Variants in RAP1GDS1 observed in about 807,000 individuals in gnomAD.
RAP1GDS1 encodes RAP1, GTP-GDP dissociation stimulator 1.
RAP1GDS1 carries 35 observed loss-of-function variants against 71.1 expected under a neutral mutation model. That is an observed-to-expected ratio of 0.49 (90% CI 0.38 to 0.65). The LOEUF (loss-of-function observed/expected upper bound fraction) is 0.65, where lower values mean the gene tolerates loss of function less well. Among genes scored for constraint, RAP1GDS1 ranks in the 30% least tolerant of loss-of-function variants. The probability of loss-of-function intolerance (pLI) is 0.00; values close to 1 mark genes in which losing one functional copy is unlikely to be tolerated. For synonymous variants in RAP1GDS1, 229 were observed against 243.1 expected (o/e 0.94, Z 0.54); for missense variants, 663 against 706.1 (o/e 0.94, Z 0.69).
At chr4:98,389,654 G>A (rs1393629254) in intron 5 of RAP1GDS1, among the ~76,000 whole-genome samples, 1 of 152,034 alleles carries the variant, frequency 6.6e-6, no homozygotes, top group African/African-American at 2.4e-5. Context: ...CTCCCAATCT[G>A]CCATAATTTC....
At chr4:98,405,455 G>A (rs1431019495) in intron 7 of RAP1GDS1, among the ~76,000 whole-genome samples, 1 of 152,000 alleles carries the variant, frequency 6.6e-6, no homozygotes, top group Non-Finnish European at 1.5e-5. Flanking sequence ...ACATAAAAGA[G>A]AATAAGAGGT....
intron 1 of RAP1GDS1, among the ~76,000 whole-genome samples, chr4:98,271,628 A>T (rs60914360): frequency 0.024 from 3,700 of 152,246 alleles, 147 homozygotes; most frequent in African/African-American, 0.081. Context: ...TCATTTATGT[A>T]TATATAATTA....
intron 2 of RAP1GDS1, among the ~76,000 whole-genome samples, chr4:98,335,567 C>T: frequency 6.6e-6 from 1 of 151,566 alleles, no homozygotes; most frequent in East Asian, 1.9e-4. Flanking sequence ...TTTTATTTTA[C>T]AAGTTTGAAT....
chr4:98,438,410 A>C (rs928894847), intron 14 of RAP1GDS1, among the ~76,000 whole-genome samples: 1 of 151,390 alleles, frequency 6.6e-6, no homozygotes, highest in Non-Finnish European at 1.5e-5. Context: ...AATCTACTCT[A>C]CCAGTCCCTT....
chr4:98,368,666 A>T (rs997405078), intron 4 of RAP1GDS1, among the ~76,000 whole-genome samples: 1 of 152,144 alleles, frequency 6.6e-6, no homozygotes, highest in Non-Finnish European at 1.5e-5. Flanking sequence ...AACTTTTTTC[A>T]TCATTTTATG....
intron 2 of RAP1GDS1, among the ~76,000 whole-genome samples, chr4:98,301,463 C>T (rs1416746791): frequency 6.6e-6 from 1 of 152,186 alleles, no homozygotes; most frequent in Non-Finnish European, 1.5e-5. Flanking sequence ...TAAAAGTCCA[C>T]ACAGATCCAC....
intron 4 of RAP1GDS1, among the ~76,000 whole-genome samples, chr4:98,375,818 A>G (rs192797765): frequency 6.6e-6 from 1 of 152,334 alleles, no homozygotes; most frequent in Non-Finnish European, 1.5e-5. Flanking sequence ...CACAAGGAGG[A>G]AACGTAGTAA....
At chr4:98,434,309 T>G (rs1026465809) in intron 13 of RAP1GDS1, among the ~76,000 whole-genome samples, 1 of 152,204 alleles carries the variant, frequency 6.6e-6, no homozygotes, top group African/African-American at 2.4e-5. Flanking sequence ...TGTCTCAAGT[T>G]ACAGCCACTT....
intron 4 of RAP1GDS1, among the ~76,000 whole-genome samples, chr4:98,354,959 A>G (rs574545451): frequency 3.2e-4 from 49 of 152,200 alleles, no homozygotes; most frequent in Non-Finnish European, 4.1e-4. Context: ...TATAATTTCC[A>G]TAGACTGCAT....
At chr4:98,333,895 T>C (rs1247604590) in intron 2 of RAP1GDS1, among the ~76,000 whole-genome samples, 1 of 152,180 alleles carries the variant, frequency 6.6e-6, no homozygotes, top group Non-Finnish European at 1.5e-5. Flanking sequence ...CAAAGAATTA[T>C]ACCAACAAAG....
chr4:98,372,181 G>C (rs535341846), intron 4 of RAP1GDS1, among the ~76,000 whole-genome samples: 1 of 151,570 alleles, frequency 6.6e-6, no homozygotes. Flanking sequence ...GTTTGTTTTT[G>C]AGGTGGAGTC....
intron 7 of RAP1GDS1, among the ~76,000 whole-genome samples, chr4:98,415,063 T>G (rs1336512215): frequency 1.3e-5 from 2 of 152,186 alleles, no homozygotes; most frequent in Admixed American, 6.5e-5. Flanking sequence ...TGTACATTGA[T>G]TTTGTATTCC....
intron 2 of RAP1GDS1, among the ~76,000 whole-genome samples, chr4:98,315,138 T>G (rs1416349189): frequency 6.6e-6 from 1 of 152,206 alleles, no homozygotes; most frequent in Non-Finnish European, 1.5e-5. Context: ...AAATGTTACC[T>G]TATTTGCAAA....
chr4:98,332,629 G>A (rs1331559756), intron 2 of RAP1GDS1, among the ~76,000 whole-genome samples: 2 of 152,150 alleles, frequency 1.3e-5, no homozygotes, highest in African/African-American at 4.8e-5. Context: ...GAAGCTTTAA[G>A]AGGAAAACTA....
At chr4:98,329,975 AG>A (rs1459170882) in intron 2 of RAP1GDS1, among the ~76,000 whole-genome samples, 2 of 150,648 alleles carry the variant, frequency 1.3e-5, no homozygotes, top group African/African-American at 4.9e-5. Flanking sequence ...TTTCTCGGAG[AG>A]GGGGATTTGG....
chr4:98,358,270 G>A (rs149044308), intron 4 of RAP1GDS1, among the ~76,000 whole-genome samples: 373 of 152,126 alleles, frequency 2.5e-3, no homozygotes, highest in African/African-American at 8.7e-3. Flanking sequence ...GCATTATAGT[G>A]TACCTAGTGA....
At chr4:98,439,762 T>C (rs956913288) in intron 14 of RAP1GDS1, among the ~76,000 whole-genome samples, 6 of 152,254 alleles carry the variant, frequency 3.9e-5, no homozygotes, top group Non-Finnish European at 7.3e-5. Flanking sequence ...TTCTTCTTTA[T>C]ATCTTTTATT....
chr4:98,268,362 A>G (rs1160076086), intron 1 of RAP1GDS1, among the ~76,000 whole-genome samples: 2 of 152,190 alleles, frequency 1.3e-5, no homozygotes, highest in East Asian at 3.8e-4. Flanking sequence ...AGCTAACATC[A>G]TACTTAATGG....
intron 2 of RAP1GDS1, among the ~76,000 whole-genome samples, chr4:98,330,519 G>A (rs1360219624): frequency 6.8e-6 from 1 of 147,030 alleles, no homozygotes; most frequent in African/African-American, 2.5e-5. Context: ...GTGGTGGCCG[G>A]GTAAAGGCGC....
Sources: allele counts gnomAD v4.1 joint callset (sites outside exome capture counted in the v4.1 genomes callset), GRCh38; gene constraint gnomAD v4.1.1; transcripts MANE v1.5; gene names NCBI Gene and HGNC (gene_info 2026-07-23, HGNC 2026-07-21).